Variants in C8A observed in about 807,000 individuals in gnomAD.
C8A encodes complement C8 alpha chain.
A neutral mutation model predicts 65.3 loss-of-function variants in C8A; 67 were observed. The observed-to-expected ratio is 1.03, with a 90% CI of 0.84 to 1.26. The LOEUF is 1.26. C8A is among the 50% of genes most tolerant of loss of function. C8A has a pLI of 0.00. For synonymous variants in C8A, 290 were observed against 259.4 expected (o/e 1.12, Z -1.13); for missense variants, 781 against 723.9 (o/e 1.08, Z -0.90).
At chr1:56,864,577 A>G (rs953055230) in intron 1 of C8A, among the ~76,000 whole-genome samples, 12 of 152,220 alleles carry the variant, frequency 7.9e-5, no homozygotes, top group African/African-American at 2.6e-4. Context: ...TGTTTTAGAG[A>G]GTGAGAAGGT....
chr1:56,863,999 G>C (rs1243431367), intron 1 of C8A, among the ~76,000 whole-genome samples: 1 of 151,926 alleles, frequency 6.6e-6, no homozygotes. Flanking sequence ...CATGATAGGT[G>C]CTGGGAACTC....
chr1:56,904,762 A>G (rs592451), intron 7 of C8A, among the ~76,000 whole-genome samples: 37,223 of 152,082 alleles, frequency 0.24, 4,927 homozygotes, highest in South Asian at 0.49. Context: ...GATTCTTTGT[A>G]AGTCACAGAC....
chr1:56,857,328 A>ACC (rs1643986841), intron 1 of C8A, among the ~76,000 whole-genome samples: 2 of 151,728 alleles, frequency 1.3e-5, no homozygotes, highest in South Asian at 4.2e-4. Context: ...ACACACACAC[A>ACC]CATCTAGAGT....
chr1:56,889,725 C>A (rs933017480), intron 7 of C8A, among the ~76,000 whole-genome samples: 6 of 152,118 alleles, frequency 3.9e-5, no homozygotes, highest in African/African-American at 1.4e-4. Flanking sequence ...CTGGGGGAAT[C>A]TTTTGTCCTT....
At chr1:56,914,177 G>A (rs1265620834) in intron 10 of C8A, among the ~76,000 whole-genome samples, 1 of 152,204 alleles carries the variant, frequency 6.6e-6, no homozygotes, top group Non-Finnish European at 1.5e-5. Flanking sequence ...GGAGGACATG[G>A]AACTTGTATT....
intron 6 of C8A, among the ~76,000 whole-genome samples, chr1:56,884,954 G>T (rs1039756821): frequency 3.3e-5 from 5 of 152,250 alleles, no homozygotes; most frequent in Admixed American, 2.6e-4. Context: ...TGTCACTAAA[G>T]ATATCTTAAA....
At chr1:56,894,481 T>C (rs1331035925) in intron 7 of C8A, among the ~76,000 whole-genome samples, 5 of 152,128 alleles carry the variant, frequency 3.3e-5, no homozygotes, top group African/African-American at 1.2e-4. Context: ...GGATACCAGA[T>C]AACAGTGACC....
chr1:56,891,554 G>T (rs1294515572), intron 7 of C8A, among the ~76,000 whole-genome samples: 1 of 152,170 alleles, frequency 6.6e-6, no homozygotes, highest in Non-Finnish European at 1.5e-5. Context: ...GGGCATTGCT[G>T]ATGTCCAGGT....
intron 10 of C8A, 52 bp from the exon 11 acceptor site, chr1:56,917,513 T>G: frequency 1.2e-6 from 2 of 1,604,490 alleles, no homozygotes; most frequent in Admixed American, 3.3e-5. Flanking sequence ...GACAGGCCCT[T>G]CCTTCTTAGC....
chr1:56,867,181 T>C (rs760357366), intron 1 of C8A, among the ~76,000 whole-genome samples: 11 of 152,180 alleles, frequency 7.2e-5, no homozygotes, highest in Non-Finnish European at 1.2e-4. Flanking sequence ...TTTTTTAATG[T>C]AGTTTTATAG....
At chr1:56,894,345 C>T (rs1047820654) in intron 7 of C8A, among the ~76,000 whole-genome samples, 1 of 152,184 alleles carries the variant, frequency 6.6e-6, no homozygotes, top group African/African-American at 2.4e-5. Context: ...TCCAGAGCTT[C>T]ATCCAGTTTT....
rs145289785 is a variant in C8A, at chr1:56,890,761, T to C, written c.1096+4594T>C. On this transcript the variant is annotated intron_variant, in intron 7 of 10. Transcript: ENST00000361249. ...TTGCCGGAACCACCCTTTCCTCTGA[T>C]GTGTGTATAGCAGTATTCTTATCAT... Among the ~76,000 whole-genome samples, 707 of 152,250 alleles carry C rather than the reference T, an allele frequency of 4.6e-3. 8 individuals carry two copies. The highest frequency in any genetic ancestry group is 0.016 in the African/African-American group (676 of 41,556).
At chr1:56,888,414 A>G (rs1222380654) in intron 7 of C8A, among the ~76,000 whole-genome samples, 2 of 152,172 alleles carry the variant, frequency 1.3e-5, no homozygotes, top group East Asian at 3.9e-4. Context: ...ACAAATCTAA[A>G]TATGGTTCCT....
chr1:56,889,231 T>C (rs1476701541), intron 7 of C8A, among the ~76,000 whole-genome samples: 1 of 152,198 alleles, frequency 6.6e-6, no homozygotes, highest in African/African-American at 2.4e-5. Context: ...TGCTTTTCTA[T>C]AAATATGGAA....
chr1:56,876,265 G>A, intron 4 of C8A, 56 bp downstream of exon 4: 1 of 1,608,252 alleles, frequency 6.2e-7, no homozygotes, highest in African/African-American at 1.3e-5. Flanking sequence ...CTTCAATCGT[G>A]AGCATTAGTT....
intron 4 of C8A, among the ~76,000 whole-genome samples, chr1:56,878,928 A>G (rs1363804452): frequency 1.3e-5 from 2 of 152,246 alleles, no homozygotes; most frequent in African/African-American, 4.8e-5. Flanking sequence ...ATTGTCTGCA[A>G]CTTTCACTTT....
chr1:56,886,819 T>C (rs1050457900), intron 7 of C8A, among the ~76,000 whole-genome samples: 1 of 152,196 alleles, frequency 6.6e-6, no homozygotes, highest in Non-Finnish European at 1.5e-5. Flanking sequence ...ATAAAGACTA[T>C]TAGCATCGAC....
At chr1:56,907,062 T>C (rs1644472105) in intron 8 of C8A, among the ~76,000 whole-genome samples, 1 of 152,118 alleles carries the variant, frequency 6.6e-6, no homozygotes, top group East Asian at 1.9e-4. Flanking sequence ...AGAACTAGAA[T>C]GAAAGGAATC....
At chr1:56,857,874 C>T (rs1467386784) in intron 1 of C8A, among the ~76,000 whole-genome samples, 3 of 152,060 alleles carry the variant, frequency 2.0e-5, no homozygotes, top group Non-Finnish European at 4.4e-5. Context: ...AGTCCAATTA[C>T]AGAGATGCTA....
Sources: allele counts gnomAD v4.1 joint callset (sites outside exome capture counted in the v4.1 genomes callset), GRCh38; gene constraint gnomAD v4.1.1; transcripts MANE v1.5; gene names NCBI Gene and HGNC (gene_info 2026-07-23, HGNC 2026-07-21).